LAMA2: variants seen among roughly 807,000 people sequenced by gnomAD.
The protein encoded by LAMA2 is laminin subunit alpha-2.
In LAMA2, 269 loss-of-function variants were observed where a neutral mutation model predicts 364.8. The observed-to-expected ratio is 0.74, with a 90% CI of 0.67 to 0.82. The LOEUF (loss-of-function observed/expected upper bound fraction) is 0.82, where lower values mean the gene tolerates loss of function less well. Ranked by LOEUF, LAMA2 falls within the 40% of genes least tolerant of loss-of-function variation. The pLI, the probability that LAMA2 is intolerant of heterozygous loss-of-function variation, is 0.00. For missense variants in LAMA2, 3,807 were observed against 3,873.2 expected, an observed-to-expected ratio of 0.98 and a Z score of 0.45; for synonymous variants, 1,379 against 1,370.6, an observed-to-expected ratio of 1.01 and a Z score of -0.14.
intron 8 of LAMA2, among the ~76,000 whole-genome samples, chr6:129,162,964 GAA>G (rs1779527693): frequency 6.6e-6 from 1 of 152,108 alleles, no homozygotes; most frequent in Non-Finnish European, 1.5e-5. Flanking sequence ...GCCCTTTACA[GAA>G]AAGTTTTCCA....
chr6:129,299,773 G>A (rs1172890811), intron 21 of LAMA2, among the ~76,000 whole-genome samples: 4 of 152,142 alleles, frequency 2.6e-5, no homozygotes, highest in African/African-American at 7.2e-5. Flanking sequence ...CAGCTGGTGT[G>A]TAATGCTGTG....
chr6:129,227,556 C>G (rs915129694), intron 12 of LAMA2, among the ~76,000 whole-genome samples: 7 of 152,184 alleles, frequency 4.6e-5, no homozygotes, highest in African/African-American at 1.7e-4. Context: ...AGTCAGGACC[C>G]TCAGCTGCAG....
In LAMA2 at chr6:129,464,416, G is replaced by A. The variant is rs780101728; in HGVS notation, c.7119G>A (p.Ser2373=). Residue 2373 remains serine (S), a synonymous_variant, in exon 50 of 65, where the codon TCG becomes TCA. Transcript: ENST00000421865. ...TVMFKFRTFS[S]SALLMYLATR... is the part of the protein sequence containing the mutation. ...TGTTCAAGTTCAGAACATTTTCTTC[G>A]AGTGCTCTTCTGATGTATCTTGCCA... 7.7e-5 allele frequency: 124 copies of A among 1,612,048 alleles called. No individual in the cohort carries two copies. Among genetic ancestry groups the A allele is most frequent in the East Asian group, 4.7e-4 (21 of 44,838 alleles).
chr6:128,936,890 A>G (rs1779849902), intron 1 of LAMA2, among the ~76,000 whole-genome samples: 1 of 152,220 alleles, frequency 6.6e-6, no homozygotes, highest in East Asian at 1.9e-4. Flanking sequence ...AGCTATGACA[A>G]TGTTGATGGT....
Position 129,514,451 on chromosome 6 carries a change from G to A in LAMA2, c.9067G>A (p.Gly3023Arg). 1 of 1,613,936 alleles carries A rather than the reference G, an allele frequency of 6.2e-7. No homozygotes were observed. The highest frequency in any genetic ancestry group is 2.2e-5 in the East Asian group (1 of 44,860). Residue 3023 changes from glycine (G) to arginine (R), a missense_variant, in exon 64 of 65, where the codon GGA (glycine) becomes AGA (arginine). Coordinates refer to ENST00000421865, the MANE Select transcript of LAMA2 (RefSeq NM_000426.4). ...TGGGGTTCCAGGGCATTTGTGTGAT[G>A]GACAATGGCATAAAGTCACTGCCAA... Reference protein sequence around the residue: ...DAGVPGHLCDGQWHKVTANKI... With the variant: ...DAGVPGHLCDRQWHKVTANKI...
At chr6:129,224,831 G>T (rs1380086579) in intron 12 of LAMA2, among the ~76,000 whole-genome samples, 2 of 152,178 alleles carry the variant, frequency 1.3e-5, no homozygotes, top group South Asian at 2.1e-4. Context: ...TTTGTATCAG[G>T]AGGATGCTGG....
At chr6:128,899,500 C>G (rs1776954951) in intron 1 of LAMA2, among the ~76,000 whole-genome samples, 1 of 152,174 alleles carries the variant, frequency 6.6e-6, no homozygotes, top group African/African-American at 2.4e-5. Flanking sequence ...TGCTTTATCT[C>G]CAGCTTCTAG....
chr6:129,112,193 T>C (rs9492238), intron 4 of LAMA2, among the ~76,000 whole-genome samples: 39,285 of 151,790 alleles, frequency 0.26, 5,755 homozygotes, highest in African/African-American at 0.41. Flanking sequence ...TCTTAGATTA[T>C]GTCAAGGGAA....
intron 1 of LAMA2, among the ~76,000 whole-genome samples, chr6:129,037,955 TAAAAC>T (rs979969420): frequency 8.5e-5 from 13 of 152,164 alleles, no homozygotes; most frequent in Non-Finnish European, 1.3e-4. Flanking sequence ...TTTAAGCTGA[TAAAAC>T]AAGAAAATAT....
At chr6:129,284,051 G>T (rs764458340) in intron 18 of LAMA2, among the ~76,000 whole-genome samples, 1 of 152,094 alleles carries the variant, frequency 6.6e-6, no homozygotes, top group Non-Finnish European at 1.5e-5. Context: ...AAGTCCCTGG[G>T]TGTCTAGTCT....
intron 17 of LAMA2, among the ~76,000 whole-genome samples, chr6:129,271,856 A>G (rs2114361727): frequency 6.6e-6 from 1 of 152,186 alleles, no homozygotes; most frequent in Admixed American, 6.5e-5. Context: ...CAAGTAGGTC[A>G]TACTTCAAAC....
chr6:129,029,832 A>C (rs2114731052), intron 1 of LAMA2, among the ~76,000 whole-genome samples: 1 of 152,054 alleles, frequency 6.6e-6, no homozygotes, highest in Non-Finnish European at 1.5e-5. Flanking sequence ...GAAAATCTTA[A>C]ATTGATTTTT....
intron 45 of LAMA2, among the ~76,000 whole-genome samples, chr6:129,446,509 GGAGGA>G (rs1233265840): frequency 1.8e-4 from 17 of 94,174 alleles, no homozygotes; most frequent in East Asian, 4.3e-4. Context: ...TAAGGGAAGG[GGAGGA>G]GAGGGGAGGG....
At chr6:129,281,209 T>TTG (rs373823080) in intron 18 of LAMA2, among the ~76,000 whole-genome samples, 4 of 152,140 alleles carry the variant, frequency 2.6e-5, no homozygotes, top group East Asian at 1.9e-4. Flanking sequence ...ATATCTTTAA[T>TTG]TGTGTGTGTG....
intron 1 of LAMA2, among the ~76,000 whole-genome samples, chr6:129,039,976 A>G (rs867189582): frequency 2.1e-4 from 32 of 152,180 alleles, no homozygotes; most frequent in African/African-American, 7.7e-4. Context: ...AATGTAAAGT[A>G]AGGTTAGGAT....
chr6:129,307,926 A>G (rs1773980630), intron 22 of LAMA2, among the ~76,000 whole-genome samples: 3 of 152,202 alleles, frequency 2.0e-5, no homozygotes, highest in Admixed American at 2.0e-4. Context: ...GTTTGACCCT[A>G]TAGCAGTACC....
At chr6:128,990,702 A>G (rs1167483917) in intron 1 of LAMA2, among the ~76,000 whole-genome samples, 1 of 152,148 alleles carries the variant, frequency 6.6e-6, no homozygotes, top group East Asian at 1.9e-4. Flanking sequence ...TCTTGCCTTA[A>G]TTAGGGAGTT....
intron 34 of LAMA2, among the ~76,000 whole-genome samples, chr6:129,381,893 G>A (rs1439235090): frequency 6.6e-6 from 1 of 152,078 alleles, no homozygotes; most frequent in Non-Finnish European, 1.5e-5. Flanking sequence ...ATAATAGTTG[G>A]ACTTTATATT....
At chr6:129,023,391 GA>G (rs1179202673) in intron 1 of LAMA2, among the ~76,000 whole-genome samples, 2 of 152,084 alleles carry the variant, frequency 1.3e-5, no homozygotes, top group African/African-American at 4.8e-5. Flanking sequence ...CCAATGTTCT[GA>G]ATTCCATTCT....
Sources: allele counts gnomAD v4.1 joint callset (sites outside exome capture counted in the v4.1 genomes callset), GRCh38; gene constraint gnomAD v4.1.1; transcripts MANE v1.5; gene names NCBI Gene and HGNC (gene_info 2026-07-23, HGNC 2026-07-21).